Variants in ZNF43 observed in about 807,000 individuals in gnomAD.
The protein encoded by ZNF43 is zinc finger protein 43.
ZNF43 carries 44 observed loss-of-function variants against 68.4 expected under a neutral mutation model. The ratio of observed to expected loss-of-function variants is 0.64; its 90% CI spans 0.51 to 0.83. The LOEUF is 0.83. ZNF43 is among the 40% of genes least tolerant of loss of function. The pLI, the probability that ZNF43 is intolerant of heterozygous loss-of-function variation, is 0.00. For missense variants in ZNF43, 896 were observed against 933.2 expected (o/e 0.96, Z 0.52); for synonymous variants, 308 against 307.8 (o/e 1.00, Z -0.01).
intron 1 of ZNF43, among the ~76,000 whole-genome samples, chr19:21,830,185 A>G (rs1408022589): frequency 1.3e-5 from 2 of 151,230 alleles, no homozygotes; most frequent in Admixed American, 6.6e-5. Context: ...AGGGAGGCGG[A>G]GGTTGCAGTG....
intron 1 of ZNF43, among the ~76,000 whole-genome samples, chr19:21,842,136 C>A (rs991690572): frequency 1.3e-5 from 2 of 152,190 alleles, no homozygotes; most frequent in African/African-American, 2.4e-5. Flanking sequence ...CCTGGCCAGG[C>A]ATGGTGGCTC....
chr19:21,813,825 C>T (rs973419213), intron 3 of ZNF43, among the ~76,000 whole-genome samples: 3 of 151,698 alleles, frequency 2.0e-5, no homozygotes, highest in African/African-American at 7.3e-5. Flanking sequence ...TACAGTGGCA[C>T]AATTATGGCT....
chr19:21,834,335 C>CAAA (rs34305940), intron 1 of ZNF43, among the ~76,000 whole-genome samples: 1 of 86,440 alleles, frequency 1.2e-5, no homozygotes, highest in Non-Finnish European at 2.4e-5. Context: ...AACACTGTCT[C>CAAA]AAAAAAAAAA....
chr19:21,815,926 TG>T (rs2037505956), intron 3 of ZNF43, among the ~76,000 whole-genome samples: 1 of 151,784 alleles, frequency 6.6e-6, no homozygotes, highest in Non-Finnish European at 1.5e-5. Flanking sequence ...CCAGGTGTGA[TG>T]GGGGACACCT....
At chr19:21,823,195 T>C (rs756475567) in intron 1 of ZNF43, among the ~76,000 whole-genome samples, 1 of 152,180 alleles carries the variant, frequency 6.6e-6, no homozygotes, top group Non-Finnish European at 1.5e-5. Flanking sequence ...AATTCAACCA[T>C]GTATCCAGTT....
chr19:21,834,444 T>C (rs571194354), intron 1 of ZNF43, among the ~76,000 whole-genome samples: 2 of 151,806 alleles, frequency 1.3e-5, no homozygotes, highest in Admixed American at 6.6e-5. Context: ...CTTTTCAATA[T>C]GGAAAATATT....
chr19:21,842,510 T>C (rs1247095497), intron 1 of ZNF43, among the ~76,000 whole-genome samples: 1 of 149,540 alleles, frequency 6.7e-6, no homozygotes, highest in Non-Finnish European at 1.5e-5. Flanking sequence ...GGTCAAAAAA[T>C]ATGGCACAAT....
At chr19:21,825,123 A>G (rs574343622) in intron 1 of ZNF43, among the ~76,000 whole-genome samples, 1 of 152,156 alleles carries the variant, frequency 6.6e-6, no homozygotes, top group Non-Finnish European at 1.5e-5. Context: ...AATCCCAGCT[A>G]CTCGGGAGGC....
rs1430059065 is a variant in ZNF43, at chr19:21,807,427, T to C, written c.*180A>G. The C allele has an allele frequency of 1.1e-5, 6 of 568,922 alleles. No homozygotes were observed. Among genetic ancestry groups the C allele is most frequent in the African/African-American group, 7.5e-5 (4 of 53,140 alleles). The allele number at this position is 568,922 out of a possible 1,614,324, so 35.2% of individuals were successfully genotyped here. A position where few individuals can be genotyped will look rare whatever the true frequency, so the allele number is the denominator to read the frequency against. ...CACATTCTTTGTGTATATACCTTTTTCCAAGTAAAAATTCTTTCCTGTGCA... is the reference window on the plus strand; with the variant it reads ...CACATTCTTTGTGTATATACCTTTTCCCAAGTAAAAATTCTTTCCTGTGCA... On this transcript the variant is annotated 3_prime_UTR_variant, in exon 4 of 4. Transcript: ENST00000354959.
chr19:21,822,900 G>C (rs571297607), intron 1 of ZNF43, among the ~76,000 whole-genome samples: 1 of 152,014 alleles, frequency 6.6e-6, no homozygotes, highest in Non-Finnish European at 1.5e-5. Flanking sequence ...TTAAATTCCA[G>C]AGTTTGTGTA....
chr19:21,852,045 G>C, exon 1 of ZNF43: 6 of 1,222,680 alleles, frequency 4.9e-6, no homozygotes, highest in Non-Finnish European at 6.7e-6. Flanking sequence ...CGGGTCCCAA[G>C]GTCTAGCGGG....
At chr19:21,825,218 GA>G (rs1273092279) in intron 1 of ZNF43, among the ~76,000 whole-genome samples, 3 of 151,794 alleles carry the variant, frequency 2.0e-5, no homozygotes, top group African/African-American at 7.3e-5. Context: ...TGGGCAACAA[GA>G]GTGAAACTGT....
In ZNF43 at chr19:21,836,056, G is replaced by A. The variant is rs756220083; in HGVS notation, c.-18C>T. On this transcript the variant is annotated 5_prime_UTR_variant, in exon 1 of 4. Coordinates refer to ENST00000354959, the MANE Select transcript of ZNF43 (RefSeq NM_003423.4). ...CTCACCATTTCTAGGCTTCCGGGGG[G>A]TCCTGGCGTCTTAGCTGTGGATCCC... The A allele has an allele frequency of 3.7e-6, 6 of 1,613,958 alleles. No homozygotes were observed. Among genetic ancestry groups the A allele is most frequent in the Non-Finnish European group, 5.1e-6 (6 of 1,179,842 alleles).
intron 3 of ZNF43, chr19:21,811,871 A>G (rs996244566): frequency 2.6e-5 from 10 of 379,612 alleles, no homozygotes; most frequent in African/African-American, 2.1e-4. Flanking sequence ...ACACATAGAA[A>G]AAAGGAACTA....
chr19:21,812,932 C>A (rs1410272968), intron 3 of ZNF43, among the ~76,000 whole-genome samples: 1 of 147,436 alleles, frequency 6.8e-6, no homozygotes, highest in Non-Finnish European at 1.5e-5. Flanking sequence ...GACTCCATCT[C>A]AAAAAAAAAT....
At chr19:21,817,223 T>C (rs1171624834) in intron 3 of ZNF43, among the ~76,000 whole-genome samples, 1 of 135,456 alleles carries the variant, frequency 7.4e-6, no homozygotes, top group African/African-American at 2.7e-5. Flanking sequence ...CCTCTGTCTT[T>C]AAAAAAAAAA....
chr19:21,827,182 C>T (rs1385198603), intron 1 of ZNF43: 1 of 152,136 alleles, frequency 6.6e-6, no homozygotes, highest in Non-Finnish European at 1.5e-5. Flanking sequence ...GCAGAATTTT[C>T]TAAGGTTTCT....
At position 21,806,565 on chromosome 19, in the gene ZNF43, G is replaced by A. The variant is rs2036952207; in HGVS notation, c.*1042C>T. 2 of 152,098 alleles carry A rather than the reference G, an allele frequency of 1.3e-5. No individual in the cohort carries two copies. Among genetic ancestry groups the A allele is most frequent in the Middle Eastern group, 3.2e-3 (1 of 316 alleles). 9.4% of individuals were successfully genotyped at this position (152,098 alleles called of 1,614,324 possible). ...CATATCTTTGGTGCAGCAACAATTG[G>A]TCACATGCTTTCACATGTGAATATA... On this transcript the variant is annotated 3_prime_UTR_variant, in exon 4 of 4. Coordinates refer to ENST00000354959, the MANE Select transcript of ZNF43 (RefSeq NM_003423.4).
chr19:21,841,112 G>C (rs1192453422), upstream of ZNF43: 1 of 152,200 alleles, frequency 6.6e-6, no homozygotes. Context: ...ACCGTCCAAA[G>C]ACTTTATACA....
Sources: gnomAD v4.1 joint callset for allele counts (sites outside exome capture counted in the v4.1 genomes callset) on GRCh38, gnomAD v4.1.1 for gene constraint, MANE v1.5 for transcripts, NCBI Gene and HGNC (gene_info 2026-07-23, HGNC 2026-07-21) for gene names.